The following LUZP2 variants were observed in gnomAD, a reference collection of about 807,000 sequenced individuals.
LUZP2 encodes leucine zipper protein 2.
LUZP2 carries 52 observed loss-of-function variants against 51.6 expected under a neutral mutation model. The ratio of observed to expected loss-of-function variants is 1.01; its 90% confidence interval spans 0.81 to 1.27. The LOEUF is 1.27. Ranked by LOEUF, LUZP2 falls within the 50% of genes most tolerant of loss-of-function variation. LUZP2 has a pLI of 0.00. For synonymous variants in LUZP2, 154 were observed against 137.3 expected (o/e 1.12, Z -0.85); for missense variants, 436 against 395.4 (o/e 1.10, Z -0.87).
chr11:24,907,923 T>C (rs1175735604), intron 6 of LUZP2, among the ~76,000 whole-genome samples: 2 of 152,170 alleles, frequency 1.3e-5, no homozygotes, highest in Non-Finnish European at 2.9e-5. Context: ...TTGAAATGTA[T>C]TGTAATAGGT....
rs990707206 is a variant in LUZP2, at chr11:24,611,288, A to G, written c.62+113983A>G. Among the ~76,000 whole-genome samples, 2 of 152,162 alleles carry G rather than the reference A, an allele frequency of 1.3e-5. No homozygotes were observed. The highest frequency in any genetic ancestry group is 4.8e-5 in the African/African-American group (2 of 41,426). ...ACTCAAAGCTTAAGGGAGCAAAATA[A>G]TAACAAAAATGCTTCTACAGTCCAT... On this transcript the variant is annotated intron_variant, in intron 1 of 11. Transcript: ENST00000336930. The surrounding 1 kb of genome is among the most constrained non-coding windows in gnomAD (Gnocchi z 4.6).
At chr11:24,887,913 G>T (rs371450249) in intron 5 of LUZP2, among the ~76,000 whole-genome samples, 1 of 152,166 alleles carries the variant, frequency 6.6e-6, no homozygotes, top group East Asian at 1.9e-4. Context: ...AGCGATCTCT[G>T]GTTTTATTTT....
chr11:24,530,762 C>CTTTTTTTTTTTTTTT (rs367857815), intron 1 of LUZP2, among the ~76,000 whole-genome samples: 5 of 75,368 alleles, frequency 6.6e-5, no homozygotes, highest in Non-Finnish European at 1.3e-4. Flanking sequence ...CTTCTTCTTA[C>CTTTTTTTTTTTTTTT]TTTTTTTTTT....
intron 1 of LUZP2, among the ~76,000 whole-genome samples, chr11:24,633,737 G>T (rs1210208647): frequency 6.6e-6 from 1 of 151,798 alleles, no homozygotes; most frequent in East Asian, 1.9e-4. Flanking sequence ...CATAATGAAT[G>T]AATTAATATC....
chr11:24,666,205 T>C (rs896675803), intron 1 of LUZP2, among the ~76,000 whole-genome samples: 1 of 152,064 alleles, frequency 6.6e-6, no homozygotes, highest in Non-Finnish European at 1.5e-5. Context: ...CAATATATTA[T>C]TAATAAGGAA....
At chr11:25,019,992 A>T (rs796308888) in intron 9 of LUZP2, among the ~76,000 whole-genome samples, 3 of 152,292 alleles carry the variant, frequency 2.0e-5, no homozygotes, top group African/African-American at 7.2e-5. Flanking sequence ...TAATATTTAA[A>T]GCCTCATAAT....
chr11:24,719,156 G>A (rs921625780), intron 1 of LUZP2, among the ~76,000 whole-genome samples: 1 of 152,018 alleles, frequency 6.6e-6, no homozygotes, highest in African/African-American at 2.4e-5. Flanking sequence ...AAGTTAAAAA[G>A]TATAATTTGA....
At chr11:24,882,694 G>T (rs1244212212) in intron 5 of LUZP2, among the ~76,000 whole-genome samples, 4 of 151,456 alleles carry the variant, frequency 2.6e-5, no homozygotes, top group Non-Finnish European at 5.9e-5. Context: ...TTTCATATGG[G>T]CTTCTTTCAG....
At chr11:24,592,177 G>A (rs1206666972) in intron 1 of LUZP2, among the ~76,000 whole-genome samples, 3 of 152,160 alleles carry the variant, frequency 2.0e-5, no homozygotes, top group African/African-American at 7.2e-5. Context: ...CCTTAACTGG[G>A]ATATTGTTCC....
chr11:24,908,584 GC>G (rs1201124246), intron 6 of LUZP2, among the ~76,000 whole-genome samples: 1 of 152,018 alleles, frequency 6.6e-6, no homozygotes, highest in Non-Finnish European at 1.5e-5. Context: ...GATAATTTTA[GC>G]TTTTCAAAAT....
At chr11:24,687,126 G>A (rs1362168973) in intron 1 of LUZP2, among the ~76,000 whole-genome samples, 1 of 152,138 alleles carries the variant, frequency 6.6e-6, no homozygotes, top group Non-Finnish European at 1.5e-5. Flanking sequence ...AAATCTTTAT[G>A]TAGAGATATC....
chr11:25,004,468 G>A (rs1856779430), intron 9 of LUZP2, among the ~76,000 whole-genome samples: 1 of 152,116 alleles, frequency 6.6e-6, no homozygotes, highest in Non-Finnish European at 1.5e-5. Context: ...CACTGTGGTT[G>A]CCAGGTTTAA....
intron 2 of LUZP2, among the ~76,000 whole-genome samples, chr11:24,731,056 A>C (rs1311441843): frequency 6.6e-6 from 1 of 151,602 alleles, no homozygotes; most frequent in East Asian, 1.9e-4. Flanking sequence ...TATAAATAAG[A>C]TTGTTTATTG....
At chr11:24,751,904 AC>A (rs1418206861) in intron 4 of LUZP2, among the ~76,000 whole-genome samples, 1 of 152,118 alleles carries the variant, frequency 6.6e-6, no homozygotes, top group East Asian at 1.9e-4. Context: ...ACATAGAAAA[AC>A]AAAACAAAAA....
At chr11:24,877,912 A>G (rs1363487126) in intron 5 of LUZP2, among the ~76,000 whole-genome samples, 2 of 152,124 alleles carry the variant, frequency 1.3e-5, no homozygotes, top group Non-Finnish European at 2.9e-5. Flanking sequence ...TTCCGGTACC[A>G]TCCATGTTGC....
chr11:24,762,826 T>C lies in LUZP2; in HGVS notation c.334-420T>C, dbSNP rs1008115609. The C allele has an allele frequency of 2.4e-5, 4 of 169,810 alleles. No homozygotes were observed. The Admixed American group carries it at 2.6e-4, about 11-fold the overall frequency. 10.5% of individuals were successfully genotyped at this position (169,810 alleles called of 1,614,324 possible). On this transcript the variant is annotated intron_variant, in intron 4 of 11. Transcript: ENST00000336930. ...TGTCCCGTAGTTTTGAGGTAAGGGA[T>C]ATTATTATGTAATTGCTCTGACACT...
chr11:24,970,662 T>G (rs1372787822), intron 7 of LUZP2, among the ~76,000 whole-genome samples: 3 of 152,204 alleles, frequency 2.0e-5, no homozygotes, highest in Non-Finnish European at 4.4e-5. Flanking sequence ...CCTTTTTCTT[T>G]TCTGCTTCAT....
chr11:24,571,624 T>C (rs930448018), intron 1 of LUZP2, among the ~76,000 whole-genome samples: 8 of 152,074 alleles, frequency 5.3e-5, no homozygotes, highest in Non-Finnish European at 8.8e-5. Context: ...AAGAAATTAA[T>C]AGGTAATTTG....
At chr11:24,531,165 A>G (rs1283026203) in intron 1 of LUZP2, among the ~76,000 whole-genome samples, 1 of 150,446 alleles carries the variant, frequency 6.6e-6, no homozygotes, top group East Asian at 1.9e-4. Flanking sequence ...AATGAAGGGC[A>G]ACATTCACAA....
Sources: gnomAD v4.1 joint callset for allele counts (sites outside exome capture counted in the v4.1 genomes callset) on GRCh38, gnomAD v4.1.1 for gene constraint, Gnocchi (gnomAD v3.1) non-coding constraint, MANE v1.5 for transcripts, NCBI Gene and HGNC (gene_info 2026-07-23, HGNC 2026-07-21) for gene names.